The following DPH6 variants were observed in gnomAD, a reference collection of about 807,000 sequenced individuals.
DPH6 encodes the protein diphthamine biosynthesis 6, also known as diphthine--ammonia ligase.
Under a neutral mutation model 38.2 loss-of-function variants are expected in DPH6, and 33 were observed. That is an observed-to-expected ratio of 0.86 (90% CI 0.65 to 1.15). The LOEUF is 1.15. Ranked by LOEUF, DPH6 falls within the 50% of genes most tolerant of loss-of-function variation. DPH6 has a pLI of 0.00. For synonymous variants in DPH6, 108 were observed against 103.0 expected, an observed-to-expected ratio of 1.05 and a Z score of -0.30; for missense variants, 325 against 320.0, an observed-to-expected ratio of 1.02 and a Z score of -0.12.
At chr15:35,417,135 G>C (rs1477639210) in intron 5 of DPH6, among the ~76,000 whole-genome samples, 1 of 151,896 alleles carries the variant, frequency 6.6e-6, no homozygotes. Context: ...TAATTTTCTT[G>C]CACTTCCACA....
At chr15:35,193,951 C>T in the DPH6 span, among the ~76,000 whole-genome samples, 1 of 152,098 alleles carries the variant, frequency 6.6e-6, no homozygotes, top group Non-Finnish European at 1.5e-5. Context: ...AATGGTATGC[C>T]ACAGTGCTTC....
chr15:35,412,793 T>C (rs1239439189), intron 5 of DPH6, among the ~76,000 whole-genome samples: 1 of 151,552 alleles, frequency 6.6e-6, no homozygotes, highest in East Asian at 1.9e-4. Context: ...ATGAAGATAG[T>C]AGAAAGGCCA....
chr15:35,526,465 A>G (rs549349514), intron 3 of DPH6, among the ~76,000 whole-genome samples: 50 of 152,298 alleles, frequency 3.3e-4, no homozygotes, highest in African/African-American at 1.2e-3. Context: ...TCGAGCACCC[A>G]CTGTGTACGA....
chr15:35,343,655 C>G (rs2052439840), intron 3 of DPH6, among the ~76,000 whole-genome samples: 1 of 151,910 alleles, frequency 6.6e-6, no homozygotes, highest in Non-Finnish European at 1.5e-5. Flanking sequence ...TATCCTTTAA[C>G]AAGTTTAAAG....
chr15:35,534,554 G>A (rs1328561884), intron 3 of DPH6, among the ~76,000 whole-genome samples: 1 of 151,584 alleles, frequency 6.6e-6, no homozygotes, highest in African/African-American at 2.4e-5. Context: ...AAAATATGAT[G>A]GTTAAAATTT....
At chr15:35,236,542 G>A (rs1388374743) in intron 3 of DPH6, among the ~76,000 whole-genome samples, 1 of 152,020 alleles carries the variant, frequency 6.6e-6, no homozygotes, top group Non-Finnish European at 1.5e-5. Flanking sequence ...GGGAGGCTGA[G>A]GCAGGAGAAT....
At chr15:35,514,950 A>G (rs373375373) in intron 3 of DPH6, among the ~76,000 whole-genome samples, 2 of 152,222 alleles carry the variant, frequency 1.3e-5, no homozygotes, top group Non-Finnish European at 2.9e-5. Context: ...GGAATGTGGA[A>G]TATTTTTAGA....
At chr15:35,146,493 T>G in the DPH6 span, among the ~76,000 whole-genome samples, 1 of 152,288 alleles carries the variant, frequency 6.6e-6, no homozygotes, top group Admixed American at 6.5e-5. Context: ...ACTTTGGATG[T>G]TATGATGAGA....
chr15:35,223,408 C>G (rs1166153136), intron 3 of DPH6, among the ~76,000 whole-genome samples: 1 of 152,098 alleles, frequency 6.6e-6, no homozygotes, highest in Non-Finnish European at 1.5e-5. Flanking sequence ...CAATGAAGGC[C>G]GGGTGCCCTA....
At chr15:35,175,283 T>G in the DPH6 span, among the ~76,000 whole-genome samples, 3 of 152,250 alleles carry the variant, frequency 2.0e-5, no homozygotes, top group Admixed American at 1.3e-4. Context: ...TGCTCAATTT[T>G]CATCCACTCA....
At chr15:35,503,752 T>C (rs966222373) in intron 3 of DPH6, among the ~76,000 whole-genome samples, 6 of 152,092 alleles carry the variant, frequency 3.9e-5, no homozygotes, top group African/African-American at 1.4e-4. Context: ...GAATACTAAA[T>C]TGACTCATTC....
intron 3 of DPH6, among the ~76,000 whole-genome samples, chr15:35,319,751 G>A (rs1291323833): frequency 1.3e-5 from 2 of 151,480 alleles, no homozygotes; most frequent in African/African-American, 2.4e-5. Context: ...AGAAATATAT[G>A]TATTTCTTAC....
At chr15:35,386,386 TG>T (rs1329348089) in intron 6 of DPH6, among the ~76,000 whole-genome samples, 1 of 152,234 alleles carries the variant, frequency 6.6e-6, no homozygotes, top group Non-Finnish European at 1.5e-5. Flanking sequence ...CTGGGTCAAA[TG>T]GTATTTCTAG....
At chr15:35,212,420 G>T (rs776646868), downstream of DPH6, among the ~76,000 whole-genome samples, 1 of 152,124 alleles carries the variant, frequency 6.6e-6, no homozygotes, top group Non-Finnish European at 1.5e-5. Flanking sequence ...TGCAGCAAAA[G>T]AAATACAAGC....
At chr15:35,182,388 T>C in the DPH6 span, among the ~76,000 whole-genome samples, 53 of 152,158 alleles carry the variant, frequency 3.5e-4, no homozygotes, top group African/African-American at 1.3e-3. Context: ...TTAGTTTCTA[T>C]TGAAGAACTG....
At position 35,515,549 on chromosome 15, in the gene DPH6, G is replaced by A. The variant is rs138014797; in HGVS notation, c.312+22725C>T. Reference sequence around the variant, plus strand: ...ATCATGGCTAACATGGTGAAACCCCGTCTCTACTAAAAATATAAAAAATTA... The same window carrying A: ...ATCATGGCTAACATGGTGAAACCCCATCTCTACTAAAAATATAAAAAATTA... On this transcript the variant is annotated intron_variant, in intron 3 of 8. Transcript: ENST00000256538. Among the ~76,000 whole-genome samples, 895 of 151,788 alleles carry A rather than the reference G, an allele frequency of 5.9e-3. 11 individuals are homozygous for A. Among genetic ancestry groups the A allele is most frequent in the African/African-American group, 0.02 (842 of 41,416 alleles).
At chr15:35,514,197 T>G (rs1019211006) in intron 3 of DPH6, among the ~76,000 whole-genome samples, 1 of 152,066 alleles carries the variant, frequency 6.6e-6, no homozygotes, top group Non-Finnish European at 1.5e-5. Flanking sequence ...TACAACTATG[T>G]AGAATCCTCA....
chr15:35,480,666 C>A (rs976084137), intron 3 of DPH6, among the ~76,000 whole-genome samples: 1 of 151,556 alleles, frequency 6.6e-6, no homozygotes, highest in African/African-American at 2.4e-5. Context: ...TTTAATAATT[C>A]CACTAACATA....
intron 5 of DPH6, among the ~76,000 whole-genome samples, chr15:35,432,322 G>A (rs2053642729): frequency 6.6e-6 from 1 of 152,178 alleles, no homozygotes. Flanking sequence ...CTCTTTGGTA[G>A]TGTTTGCTGC....
Sources: gnomAD v4.1 joint callset for allele counts (sites outside exome capture counted in the v4.1 genomes callset) on GRCh38, gnomAD v4.1.1 for gene constraint, MANE v1.5 for transcripts, NCBI Gene and HGNC (gene_info 2026-07-23, HGNC 2026-07-21) for gene names.